EEIG1: variants seen among roughly 807,000 people sequenced by gnomAD.
EEIG1 encodes the protein early estrogen-induced gene 1 protein.
chr9:127,970,469 A>G, the EEIG1 span, among the ~76,000 whole-genome samples: 1 of 152,192 alleles, frequency 6.6e-6, no homozygotes, highest in Admixed American at 6.5e-5. Context: ...GTTGTTTGTC[A>G]GACTGCTTCC....
the EEIG1 span, among the ~76,000 whole-genome samples, chr9:127,972,916 G>A: frequency 7.9e-5 from 12 of 152,142 alleles, no homozygotes; most frequent in South Asian, 2.1e-4. The surrounding 1 kb of genome is among the most constrained non-coding windows in gnomAD (Gnocchi z 4.3). Context: ...ACTGAGCCAC[G>A]GACAGCAGTC....
the EEIG1 span, among the ~76,000 whole-genome samples, chr9:127,972,848 G>A: frequency 1.3e-5 from 2 of 152,164 alleles, no homozygotes; most frequent in African/African-American, 2.4e-5. The surrounding 1 kb of genome is among the most constrained non-coding windows in gnomAD (Gnocchi z 4.3). Flanking sequence ...CCCAGGGTTT[G>A]CCACCACAGC....
the EEIG1 span, among the ~76,000 whole-genome samples, chr9:127,960,709 T>C: frequency 6.6e-6 from 1 of 152,186 alleles, no homozygotes; most frequent in Non-Finnish European, 1.5e-5. Context: ...CTTTCTCCCT[T>C]TCCTTTTGAG....
At chr9:127,953,211 C>G in the EEIG1 span, 1 of 263,658 alleles carries the variant, frequency 3.8e-6, no homozygotes, top group South Asian at 7.6e-5. Context: ...TTAAACCACA[C>G]GCATACATTT....
the EEIG1 span, chr9:127,944,409 C>T: frequency 2.0e-5 from 12 of 603,688 alleles, no homozygotes; most frequent in Admixed American, 3.2e-4. Context: ...CTGTCCGTGC[C>T]CTCACTGCCC....
At chr9:127,944,886 G>A in the EEIG1 span, 1 of 1,611,988 alleles carries the variant, frequency 6.2e-7, no homozygotes, top group South Asian at 1.1e-5. Flanking sequence ...TCTCCACCGA[G>A]TCCTTCTTCC....
At chr9:127,947,241 A>T in the EEIG1 span, among the ~76,000 whole-genome samples, 1 of 149,358 alleles carries the variant, frequency 6.7e-6, no homozygotes, top group African/African-American at 2.5e-5. Context: ...GATATGGTGA[A>T]ATCCAGTCTC....
the EEIG1 span, chr9:127,944,960 A>G: frequency 6.4e-7 from 1 of 1,565,718 alleles, no homozygotes; most frequent in Non-Finnish European, 8.7e-7. Context: ...ACAAGCACAG[A>G]ACGACGACAA....
the EEIG1 span, chr9:127,945,859 C>T: frequency 1.3e-6 from 1 of 746,838 alleles, no homozygotes; most frequent in Non-Finnish European, 2.3e-6. This position sits in a 1 kb window ranked among gnomAD's most constrained non-coding sequence, Gnocchi z 6.5. Flanking sequence ...GGCAGGGCGC[C>T]ATTTAACAGA....
the EEIG1 span, among the ~76,000 whole-genome samples, chr9:127,962,974 T>C: frequency 6.6e-6 from 1 of 152,158 alleles, no homozygotes; most frequent in Non-Finnish European, 1.5e-5. Context: ...TTTAAAATGA[T>C]AGAAGCAAGG....
chr9:127,964,696 C>T, the EEIG1 span, among the ~76,000 whole-genome samples: 1 of 152,224 alleles, frequency 6.6e-6, no homozygotes, highest in African/African-American at 2.4e-5. Flanking sequence ...TACTCAGAGA[C>T]ACACATCTCA....
At chr9:127,977,056 G>A in the EEIG1 span, among the ~76,000 whole-genome samples, 1 of 152,062 alleles carries the variant, frequency 6.6e-6, no homozygotes, top group African/African-American at 2.4e-5. Context: ...CCGTCTACTG[G>A]GCAAAAACAC....
At chr9:127,946,511 A>G in the EEIG1 span, among the ~76,000 whole-genome samples, 2 of 152,198 alleles carry the variant, frequency 1.3e-5, no homozygotes, top group African/African-American at 2.4e-5. Flanking sequence ...CAAGTCCCCA[A>G]CAGGTTCTCT....
At chr9:127,945,622 C>T in the EEIG1 span, 68 of 1,566,400 alleles carry the variant, frequency 4.3e-5, no homozygotes, top group African/African-American at 4.3e-4. This position sits in a 1 kb window ranked among gnomAD's most constrained non-coding sequence, Gnocchi z 6.5. Context: ...GAGGAGGCCA[C>T]GGGGGCAGGG....
the EEIG1 span, among the ~76,000 whole-genome samples, chr9:127,947,861 C>T: frequency 6.6e-6 from 1 of 152,130 alleles, no homozygotes; most frequent in Non-Finnish European, 1.5e-5. Context: ...ACATCAGTCT[C>T]AGTCCAAGGC....
chr9:127,942,697 G>A, the EEIG1 span: 5 of 166,978 alleles, frequency 3.0e-5, no homozygotes, highest in East Asian at 1.8e-4. Flanking sequence ...TTCCGGAGGT[G>A]GTCTGGCCCC....
At chr9:127,973,385 A>G in the EEIG1 span, among the ~76,000 whole-genome samples, 1 of 152,190 alleles carries the variant, frequency 6.6e-6, no homozygotes, top group Non-Finnish European at 1.5e-5. The surrounding 1 kb of genome is among the most constrained non-coding windows in gnomAD (Gnocchi z 4.2). Context: ...CCTCAGGCAC[A>G]TAATGTGGTT....
At chr9:127,945,599 G>A in the EEIG1 span, 3 of 1,562,452 alleles carry the variant, frequency 1.9e-6, no homozygotes, top group Non-Finnish European at 2.6e-6. This position sits in a 1 kb window ranked among gnomAD's most constrained non-coding sequence, Gnocchi z 6.5. Flanking sequence ...CACAATGGGG[G>A]ATCCCGAGGA....
the EEIG1 span, chr9:127,944,268 C>T: frequency 6.9e-5 from 27 of 393,400 alleles, no homozygotes; most frequent in Non-Finnish European, 1.1e-4. Flanking sequence ...CCATTCTTCC[C>T]GAGTCCCTGG....
Sources: gnomAD v4.1 joint callset for allele counts (sites outside exome capture counted in the v4.1 genomes callset) on GRCh38, gnomAD v4.1.1 for gene constraint, Gnocchi (gnomAD v3.1) non-coding constraint, MANE v1.5 for transcripts, NCBI Gene and HGNC (gene_info 2026-07-23, HGNC 2026-07-21) for gene names.